ARHGEF33: variants seen among roughly 807,000 people sequenced by gnomAD.
ARHGEF33 encodes DH and coiled-coil domain-containing protein ENSP00000381780.
A neutral mutation model predicts 101.9 loss-of-function variants in ARHGEF33; 72 were observed. The ratio of observed to expected loss-of-function variants is 0.71; its 90% confidence interval spans 0.58 to 0.86. ARHGEF33 has a LOEUF of 0.86. Ranked by LOEUF, ARHGEF33 falls within the 40% of genes least tolerant of loss-of-function variation. The pLI is 0.00. For missense variants in ARHGEF33, 1,169 were observed against 1,111.3 expected (o/e 1.05, Z -0.74); for synonymous variants, 499 against 442.5 (o/e 1.13, Z -1.60).
chr2:38,954,344 A>T, intron 12 of ARHGEF33, 29 bp from the exon 13 acceptor site: 1 of 1,387,210 alleles, frequency 7.2e-7, no homozygotes, highest in Non-Finnish European at 1.0e-6. Context: ...AGGAACACTG[A>T]AGAGTAACTT....
At chr2:38,930,641 C>T (rs889135349) in intron 6 of ARHGEF33, among the ~76,000 whole-genome samples, 1 of 152,312 alleles carries the variant, frequency 6.6e-6, no homozygotes, top group Non-Finnish European at 1.5e-5. Context: ...CCACAGTGCT[C>T]AACTTACTTA....
At chr2:38,949,862 CAGCAGG>C (rs1667554147) in intron 10 of ARHGEF33, among the ~76,000 whole-genome samples, 1 of 152,180 alleles carries the variant, frequency 6.6e-6, no homozygotes, top group East Asian at 1.9e-4. Context: ...TCACAGGGCG[CAGCAGG>C]AGCAAGACAG....
intron 8 of ARHGEF33, chr2:38,937,011 T>C (rs1407425875): frequency 6.6e-6 from 1 of 152,004 alleles, no homozygotes; most frequent in Non-Finnish European, 1.4e-5. Context: ...TTTTTTTTTT[T>C]TGAGACAGAG....
intron 1 of ARHGEF33, among the ~76,000 whole-genome samples, chr2:38,892,794 T>A (rs1248990802): frequency 6.6e-6 from 1 of 152,212 alleles, no homozygotes; most frequent in Admixed American, 6.5e-5. Context: ...GGAGCAACCT[T>A]TGAAATGTCG....
rs555575501 is a variant in ARHGEF33 at position 38,929,069 on chromosome 2, A to C, written c.238A>C (p.Lys80Gln). 7.1e-6 allele frequency: 11 copies of C among 1,546,168 alleles called. No homozygotes were observed. The East Asian group carries it at 2.2e-4, about 31-fold the overall frequency. Residue 80 changes from lysine to glutamine, a missense_variant and splice_region_variant, in exon 5 of 18, where the codon AAG (lysine) becomes CAG (glutamine). Coordinates refer to ENST00000409978, the MANE Select transcript of ARHGEF33 (RefSeq NM_001145451.5). ...TEMKNSLNYF[K>Q]EELSNAMSMI... ...GATGAAGAATTCATTAAACTATTTC[A>C]AGGTAGGCCTCTCTTTAATTTCCCT...
chr2:38,951,982 G>C (rs1667621490), intron 11 of ARHGEF33, among the ~76,000 whole-genome samples: 1 of 152,226 alleles, frequency 6.6e-6, no homozygotes, highest in Non-Finnish European at 1.5e-5. Flanking sequence ...TGAAGTGTGA[G>C]CTGCAGTGGA....
At position 38,901,267 on chromosome 2, in the gene ARHGEF33, T is replaced by C. The variant is rs187710919; in HGVS notation, c.-86+5418T>C. Among the ~76,000 whole-genome samples the C allele has an allele frequency of 1.0e-3, 157 of 152,348 alleles. 1 individual carries two copies. Among genetic ancestry groups the C allele is most frequent in the African/African-American group, 3.4e-3 (142 of 41,576 alleles). ...AATCCTGATAAATCTAGTTTTCTCC[T>C]TCTCACATTTCTGGGGATGTTTTAG... On this transcript the variant is annotated intron_variant, in intron 2 of 17. Coordinates refer to ENST00000409978, the MANE Select transcript of ARHGEF33 (RefSeq NM_001145451.5).
intron 2 of ARHGEF33, among the ~76,000 whole-genome samples, chr2:38,902,394 C>G (rs1666268280): frequency 6.6e-6 from 1 of 152,144 alleles, no homozygotes. Flanking sequence ...TCCATAATCA[C>G]CATATGTATA....
intron 2 of ARHGEF33, among the ~76,000 whole-genome samples, chr2:38,900,369 A>G (rs995093167): frequency 6.6e-6 from 1 of 152,188 alleles, no homozygotes; most frequent in African/African-American, 2.4e-5. Context: ...GAAAATGAGA[A>G]GTATTTCATT....
At position 38,902,774 on chromosome 2, in the gene ARHGEF33, A is replaced by G. The variant is rs139267811; in HGVS notation, c.-86+6925A>G. 3.9e-5 allele frequency among the ~76,000 whole-genome samples: 6 copies of G among 152,346 alleles called. No homozygotes were observed. The South Asian group carries it at 1.0e-3, about 26-fold the overall frequency. On this transcript the variant is annotated intron_variant, in intron 2 of 17. Coordinates refer to ENST00000409978, the MANE Select transcript of ARHGEF33 (RefSeq NM_001145451.5). Reference sequence around the variant, plus strand: ...AATGTCCAAGTCCTCATGAGGGGGCACTGATAAGCCAAGATGGTCAATGAG... The same window carrying G: ...AATGTCCAAGTCCTCATGAGGGGGCGCTGATAAGCCAAGATGGTCAATGAG...
intron 17 of ARHGEF33, among the ~76,000 whole-genome samples, chr2:38,970,605 A>G (rs547799661): frequency 6.6e-5 from 10 of 152,364 alleles, no homozygotes; most frequent in South Asian, 2.1e-4. Flanking sequence ...CAACCATTCA[A>G]TTAAGTGTCT....
At chr2:38,930,528 T>C (rs1053402028) in intron 6 of ARHGEF33, among the ~76,000 whole-genome samples, 53 of 152,202 alleles carry the variant, frequency 3.5e-4, no homozygotes, top group African/African-American at 1.2e-3. Context: ...AAAAAAATTA[T>C]AGAAATGGGT....
chr2:38,890,046 G>C (rs1665962225), intron 1 of ARHGEF33, 60 bp downstream of exon 1: 1 of 366,780 alleles, frequency 2.7e-6, no homozygotes. Context: ...TTTTATAAGA[G>C]ATGAAAACCC....
At chr2:38,910,615 A>C (rs1173507713) in intron 2 of ARHGEF33, among the ~76,000 whole-genome samples, 1 of 152,208 alleles carries the variant, frequency 6.6e-6, no homozygotes, top group Non-Finnish European at 1.5e-5. Flanking sequence ...ATTGGCAACA[A>C]ATATTGCATA....
chr2:38,936,423 C>G (rs1667131091), intron 8 of ARHGEF33, among the ~76,000 whole-genome samples: 1 of 152,094 alleles, frequency 6.6e-6, no homozygotes, highest in South Asian at 2.1e-4. Context: ...TTTCTCTTCC[C>G]AGGAGTGCTC....
intron 17 of ARHGEF33, 69 bp from the exon 18 acceptor site, chr2:38,973,645 T>C: frequency 7.1e-7 from 1 of 1,407,090 alleles, no homozygotes; most frequent in Non-Finnish European, 9.3e-7. Context: ...ACAATTGGGA[T>C]AGATAAAAAT....
At position 38,931,267 on chromosome 2, in the gene ARHGEF33, C is replaced by G. The variant is rs760273906; in HGVS notation, c.505+16C>G. 11 of 1,536,684 alleles carry G rather than the reference C, an allele frequency of 7.2e-6. No individual in the cohort carries two copies. The African/African-American group carries it at 1.5e-4, about 21-fold the overall frequency. On this transcript the variant is annotated intron_variant, in intron 7 of 17. Transcript: ENST00000409978. ...TACGAGAAAGGTACAGTTCACAAATCATACTGAATTAATCAAGTATTTTTT... is the reference window on the plus strand; with the variant it reads ...TACGAGAAAGGTACAGTTCACAAATGATACTGAATTAATCAAGTATTTTTT...
intron 17 of ARHGEF33, among the ~76,000 whole-genome samples, chr2:38,971,419 G>A (rs964459612): frequency 6.6e-6 from 1 of 152,168 alleles, no homozygotes; most frequent in Non-Finnish European, 1.5e-5. Context: ...GATGTGCCCT[G>A]CAGTCGGCCA....
At chr2:38,942,468 CTT>C (rs58695451) in intron 9 of ARHGEF33, among the ~76,000 whole-genome samples, 2,630 of 132,780 alleles carry the variant, frequency 0.02, 95 homozygotes, top group African/African-American at 0.068. Context: ...CCCCTCTTAT[CTT>C]TTTTTTTTTT....
Sources: gnomAD v4.1 joint callset for allele counts (sites outside exome capture counted in the v4.1 genomes callset) on GRCh38, gnomAD v4.1.1 for gene constraint, MANE v1.5 for transcripts, NCBI Gene and HGNC (gene_info 2026-07-23, HGNC 2026-07-21) for gene names.